Variants in CRACR2A observed in about 807,000 individuals in gnomAD.
CRACR2A encodes the protein EF-hand calcium-binding domain-containing protein 4B.
In CRACR2A, 79 loss-of-function variants were observed where a neutral mutation model predicts 90.5. The ratio of observed to expected loss-of-function variants is 0.87; its 90% CI spans 0.73 to 1.05. The LOEUF (loss-of-function observed/expected upper bound fraction) is 1.05, where lower values mean the gene tolerates loss of function less well. Ranked by LOEUF, CRACR2A falls within the 50% of genes least tolerant of loss-of-function variation. CRACR2A has a pLI of 0.00. For synonymous variants in CRACR2A, 338 were observed against 356.7 expected (o/e 0.95, Z 0.59); for missense variants, 823 against 897.2 (o/e 0.92, Z 1.06).
In CRACR2A at chr12:3,627,624, C is replaced by T. The variant is rs1303370403; in HGVS notation, c.1817+1G>A. On this transcript the variant is annotated splice_donor_variant, in intron 16 of 19. Transcript: ENST00000440314. LOFTEE classifies it high-confidence loss of function. ...GCCCAGAACTTCGGGCAGCTCCTCA[C>T]CTCTCCTGCCCAGCCGTGTCCCACA... The T allele has an allele frequency of 7.1e-6, 11 of 1,551,618 alleles. No individual in the cohort carries two copies. The highest frequency in any genetic ancestry group is 2.0e-5 in the Admixed American group (1 of 50,996).
chr12:3,658,221 C>T (rs992986119), intron 8 of CRACR2A, among the ~76,000 whole-genome samples: 9 of 152,152 alleles, frequency 5.9e-5, no homozygotes, highest in African/African-American at 2.2e-4. Flanking sequence ...CGCCCATTCC[C>T]CATGCCCTGG....
intron 4 of CRACR2A, among the ~76,000 whole-genome samples, chr12:3,693,933 C>A (rs1251949215): frequency 6.6e-6 from 1 of 152,158 alleles, no homozygotes; most frequent in Non-Finnish European, 1.5e-5. Flanking sequence ...CCTGCCAAAT[C>A]GAGTGTCCAT....
chr12:3,627,685 G>A lies in CRACR2A; in HGVS notation c.1757C>T (p.Thr586Met), dbSNP rs962864658. 20 of 1,551,642 alleles carry A rather than the reference G, an allele frequency of 1.3e-5. No homozygotes were observed. The highest frequency in any genetic ancestry group is 2.0e-5 in the Admixed American group (1 of 50,978). ...ATVGIDYRVKTLNVDNSQVAL... is the reference protein window; with the variant it reads ...ATVGIDYRVKMLNVDNSQVAL... ...CACCTGAGAGTTGTCCACATTCAAC[G>A]TCTTCACACGGTAATCAATGCCTGC... The change falls in exon 16 of 20, where the codon ACG becomes ATG. Residue 586 changes from threonine to methionine, a missense_variant. Transcript: ENST00000440314.
At chr12:3,751,014 T>C (rs1203751924) in intron 1 of CRACR2A, among the ~76,000 whole-genome samples, 1 of 152,232 alleles carries the variant, frequency 6.6e-6, no homozygotes, top group African/African-American at 2.4e-5. Flanking sequence ...CTTGGTCTCT[T>C]CTGCTCTGGT....
chr12:3,669,671 T>C (rs1234791353), intron 7 of CRACR2A, among the ~76,000 whole-genome samples: 1 of 152,224 alleles, frequency 6.6e-6, no homozygotes, highest in Non-Finnish European at 1.5e-5. Context: ...CAGGACACTC[T>C]GAGGGGTTCT....
chr12:3,690,355 T>C (rs1022867778), intron 4 of CRACR2A, among the ~76,000 whole-genome samples: 4 of 152,246 alleles, frequency 2.6e-5, no homozygotes, highest in Non-Finnish European at 5.9e-5. Flanking sequence ...TCTGGTATGT[T>C]GTATCTTTGT....
At chr12:3,616,615 T>A (rs1242350686) in intron 19 of CRACR2A, among the ~76,000 whole-genome samples, 1 of 152,200 alleles carries the variant, frequency 6.6e-6, no homozygotes, top group African/African-American at 2.4e-5. Flanking sequence ...CATCAGCCAG[T>A]GCTGAGGGGC....
chr12:3,655,130 C>T (rs910084222), intron 9 of CRACR2A, among the ~76,000 whole-genome samples: 8 of 152,080 alleles, frequency 5.3e-5, no homozygotes, highest in Admixed American at 4.6e-4. Context: ...TGAATATGGC[C>T]GGCAAGGGGA....
chr12:3,682,871 C>T (rs1195911306), intron 4 of CRACR2A, among the ~76,000 whole-genome samples: 1 of 151,956 alleles, frequency 6.6e-6, no homozygotes, highest in Non-Finnish European at 1.5e-5. Flanking sequence ...CAACCTCCGC[C>T]TCCCGGGTTC....
chr12:3,711,080 A>T lies in CRACR2A; in HGVS notation c.-37+2157T>A, dbSNP rs74340548. Among the ~76,000 whole-genome samples the T allele has an allele frequency of 4.5e-3, 688 of 152,348 alleles. 2 individuals carry two copies. The highest frequency in any genetic ancestry group is 0.01 in the Middle Eastern group (3 of 294). On this transcript the variant is annotated intron_variant, in intron 3 of 19. Coordinates refer to ENST00000440314, the MANE Select transcript of CRACR2A (RefSeq NM_001144958.2). This position sits in a 1 kb window ranked among gnomAD's most constrained non-coding sequence, Gnocchi z 4.3. ...CGTTCTAGCATAAACTCAAAGGCAGAAAGTCCAAAATCTCATGTAAATATC... is the reference window on the plus strand; with the variant it reads ...CGTTCTAGCATAAACTCAAAGGCAGTAAGTCCAAAATCTCATGTAAATATC...
intron 16 of CRACR2A, 24 bp from the exon 17 acceptor site, chr12:3,627,574 A>C: frequency 6.4e-7 from 1 of 1,551,522 alleles, no homozygotes; most frequent in Non-Finnish European, 8.7e-7. Context: ...GCCACGGGTC[A>C]GGCATGCACG....
intron 18 of CRACR2A, among the ~76,000 whole-genome samples, 187 bp from the exon 19 acceptor site, chr12:3,617,217 G>A (rs754713943): frequency 4.2e-4 from 64 of 152,138 alleles, no homozygotes; most frequent in Non-Finnish European, 7.1e-4. Flanking sequence ...CCCTGACAAT[G>A]CAAGCTCTGT....
At chr12:3,727,592 A>G (rs971867259) in intron 2 of CRACR2A, 1 of 152,174 alleles carries the variant, frequency 6.6e-6, no homozygotes, top group Non-Finnish European at 1.5e-5. Context: ...TGAAGCAGGG[A>G]GATCATCTCG....
chr12:3,637,280 C>T (rs888008068), intron 14 of CRACR2A, among the ~76,000 whole-genome samples: 5 of 152,192 alleles, frequency 3.3e-5, no homozygotes, highest in Non-Finnish European at 2.9e-5. Context: ...AGAGCAGTTA[C>T]AAAGCCTGCA....
chr12:3,697,143 C>T lies in CRACR2A; in HGVS notation c.-36-108G>A, dbSNP rs1945755327. On this transcript the variant is annotated intron_variant, in intron 3 of 19. Transcript: ENST00000440314. ...GCACAGAGCCATACACCAGTGTGTCCAGGAATCTCTTAGCAACTACCTCTT... is the reference window on the plus strand; with the variant it reads ...GCACAGAGCCATACACCAGTGTGTCTAGGAATCTCTTAGCAACTACCTCTT... 10 of 1,343,352 alleles carry T rather than the reference C, an allele frequency of 7.4e-6. No homozygotes were observed. The South Asian group carries it at 1.4e-4, about 19-fold the overall frequency. 83.2% of individuals were successfully genotyped at this position (1,343,352 alleles called of 1,614,324 possible). A position where few individuals can be genotyped will look rare whatever the true frequency, so the allele number is the denominator to read the frequency against.
chr12:3,711,984 C>T lies in CRACR2A; in HGVS notation c.-37+1253G>A, dbSNP rs1946012006. On this transcript the variant is annotated intron_variant, in intron 3 of 19. Coordinates refer to ENST00000440314, the MANE Select transcript of CRACR2A (RefSeq NM_001144958.2). The surrounding 1 kb of genome is among the most constrained non-coding windows in gnomAD (Gnocchi z 4.3). ...TGGCTGGTTGAAAATGAGAGGAAAACAAAGACAACAATGAATCTAGCCTGC... is the reference window on the plus strand; with the variant it reads ...TGGCTGGTTGAAAATGAGAGGAAAATAAAGACAACAATGAATCTAGCCTGC... Among the ~76,000 whole-genome samples the T allele has an allele frequency of 6.6e-6, 1 of 152,044 alleles. No homozygotes were observed.
rs1369851008 is a variant in CRACR2A at position 3,713,289 on chromosome 12, A to G, written c.-89T>C. On this transcript the variant is annotated 5_prime_UTR_variant, in exon 3 of 20. Transcript: ENST00000440314. ...CTGCAACTCTTCACACCTGGAGGGTACTTTGGCCACTGGTGACTTGAATTC... is the reference window on the plus strand; with the variant it reads ...CTGCAACTCTTCACACCTGGAGGGTGCTTTGGCCACTGGTGACTTGAATTC... 6.1e-6 allele frequency: 6 copies of G among 985,220 alleles called. No individual in the cohort carries two copies. The allele number at this position is 985,220 out of a possible 1,614,324, so 61.0% of individuals were successfully genotyped here. A position where few individuals can be genotyped will look rare whatever the true frequency, so the allele number is the denominator to read the frequency against.
intron 4 of CRACR2A, among the ~76,000 whole-genome samples, chr12:3,681,086 G>A (rs1044635237): frequency 3.9e-5 from 6 of 152,104 alleles, no homozygotes; most frequent in Non-Finnish European, 8.8e-5. Flanking sequence ...GGCCTCTCCT[G>A]CTGGAGGCCC....
Position 3,633,539 on chromosome 12 carries a change from C to G in CRACR2A, c.1735+65G>C. The G allele has an allele frequency of 6.5e-7, 1 of 1,545,676 alleles. No individual in the cohort carries two copies. Among genetic ancestry groups the G allele is most frequent in the Non-Finnish European group, 8.7e-7 (1 of 1,142,912 alleles). On this transcript the variant is annotated intron_variant, in intron 15 of 19. Coordinates refer to ENST00000440314, the MANE Select transcript of CRACR2A (RefSeq NM_001144958.2). The surrounding 1 kb of genome is among the most constrained non-coding windows in gnomAD (Gnocchi z 4.5). ...GGCTTCTAACGCTCCCTGCCCCGGGCCCCCTTCTCACAAACTCCCTTCCCA... is the reference window on the plus strand; with the variant it reads ...GGCTTCTAACGCTCCCTGCCCCGGGGCCCCTTCTCACAAACTCCCTTCCCA...
Sources: allele counts gnomAD v4.1 joint callset (sites outside exome capture counted in the v4.1 genomes callset), GRCh38; gene constraint gnomAD v4.1.1; non-coding constraint Gnocchi (gnomAD v3.1); transcripts MANE v1.5; gene names NCBI Gene and HGNC (gene_info 2026-07-23, HGNC 2026-07-21).